The following SYTL5 variants were observed in gnomAD, a reference collection of about 807,000 sequenced individuals.
SYTL5 encodes the protein synaptotagmin-like protein 5.
In SYTL5, 34 loss-of-function variants were observed where a neutral mutation model predicts 55.9. The ratio of observed to expected loss-of-function variants is 0.61; its 90% CI spans 0.46 to 0.81. The LOEUF is 0.81. Among genes scored for constraint, SYTL5 ranks in the 30% least tolerant of loss-of-function variants. The probability of loss-of-function intolerance (pLI) is 0.00; values close to 1 mark genes in which losing one functional copy is unlikely to be tolerated. For missense variants in SYTL5, 637 were observed against 546.7 expected, an observed-to-expected ratio of 1.17 and a Z score of -1.65; for synonymous variants, 221 against 188.7, an observed-to-expected ratio of 1.17 and a Z score of -1.40.
the SYTL5 span, chrX:37,946,492 T>C: frequency 1.3e-5 from 3 of 239,365 alleles, no homozygotes; most frequent in East Asian, 1.4e-4. Flanking sequence ...GGATTTTTCA[T>C]TGGAATCATG....
At chrX:38,072,223 A>T in intron 4 of SYTL5, 61 bp downstream of exon 4, 1 of 888,981 alleles carries the variant, frequency 1.1e-6, no homozygotes, top group Non-Finnish European at 1.6e-6. Flanking sequence ...TAACTAAATA[A>T]CTTCTCTATG....
chrX:37,893,627 C>T, the SYTL5 span, among the ~76,000 whole-genome samples: 1 of 62,209 alleles, frequency 1.6e-5, no homozygotes, highest in African/African-American at 2.0e-4. Context: ...TATATATAAT[C>T]TATATATATA....
intron 13 of SYTL5, among the ~76,000 whole-genome samples, chrX:38,117,418 G>A (rs1157658002): frequency 8.9e-6 from 1 of 111,895 alleles, no homozygotes; most frequent in East Asian, 2.8e-4. Flanking sequence ...CTATATATTA[G>A]TATGTGATTC....
chrX:37,942,954 T>C, the SYTL5 span, among the ~76,000 whole-genome samples: 1 of 111,660 alleles, frequency 9.0e-6, no homozygotes, highest in East Asian at 2.8e-4. Context: ...TTAGTCTCTC[T>C]TACTCTGTTT....
the SYTL5 span, among the ~76,000 whole-genome samples, chrX:37,967,689 A>G: frequency 2.6e-3 from 284 of 110,554 alleles, 1 homozygote; most frequent in African/African-American, 8.9e-3. Flanking sequence ...CACATAATGC[A>G]TATGTTGGTT....
At chrX:38,040,337 C>G (rs1418403073) in intron 2 of SYTL5, among the ~76,000 whole-genome samples, 2 of 110,686 alleles carry the variant, frequency 1.8e-5, no homozygotes, top group East Asian at 5.6e-4. Context: ...ACAAATAATC[C>G]AAATAAATTC....
intron 1 of SYTL5, among the ~76,000 whole-genome samples, chrX:38,026,748 C>T (rs1309154545): frequency 6.3e-5 from 7 of 111,377 alleles, no homozygotes; most frequent in African/African-American, 2.3e-4. Context: ...CTCTTGTCAC[C>T]ATCTTGGTTT....
chrX:38,019,589 T>G (rs1242732437), intron 1 of SYTL5, among the ~76,000 whole-genome samples: 1 of 112,126 alleles, frequency 8.9e-6, no homozygotes, highest in Non-Finnish European at 1.9e-5. Context: ...TTCATGAATG[T>G]ATCCCCTAGA....
At chrX:37,915,227 C>G in the SYTL5 span, among the ~76,000 whole-genome samples, 1 of 111,702 alleles carries the variant, frequency 9.0e-6, no homozygotes, top group African/African-American at 3.3e-5. Flanking sequence ...GTTGACATGA[C>G]CTTTTTCTTT....
chrX:38,005,764 A>G (rs770101507), upstream of SYTL5, among the ~76,000 whole-genome samples: 11 of 111,640 alleles, frequency 9.9e-5, no homozygotes, highest in East Asian at 2.8e-4. Context: ...AGAAAGTAAT[A>G]ACTCTCTTGG....
chrX:37,949,610 G>C, the SYTL5 span, among the ~76,000 whole-genome samples: 1 of 111,434 alleles, frequency 9.0e-6, no homozygotes, highest in Non-Finnish European at 1.9e-5. Flanking sequence ...ATTGTGGTTA[G>C]AGGGTAGAAC....
the SYTL5 span, among the ~76,000 whole-genome samples, chrX:37,951,343 GA>G: frequency 2.7e-5 from 3 of 111,529 alleles, no homozygotes; most frequent in African/African-American, 9.8e-5. Context: ...ATTAGGAACA[GA>G]AAATATCAAA....
intron 1 of SYTL5, among the ~76,000 whole-genome samples, chrX:38,029,273 A>C (rs376936245): frequency 2.7e-5 from 3 of 112,164 alleles, no homozygotes; most frequent in Non-Finnish European, 5.6e-5. Flanking sequence ...AGCATATCCT[A>C]TCTAACTTCA....
intron 3 of SYTL5, among the ~76,000 whole-genome samples, chrX:38,060,492 G>C (rs775991386): frequency 7.2e-5 from 8 of 111,706 alleles, no homozygotes; most frequent in African/African-American, 2.3e-4. Flanking sequence ...TAGTTCTAGT[G>C]CCTAAAATAA....
intron 9 of SYTL5, 131 bp from the exon 10 acceptor site, chrX:38,102,211 G>C: frequency 6.6e-6 from 3 of 454,635 alleles, no homozygotes. Context: ...GAAAAACCTA[G>C]GAATGGAGTG....
At chrX:38,041,854 A>G (rs1444689502) in intron 2 of SYTL5, among the ~76,000 whole-genome samples, 4 of 112,077 alleles carry the variant, frequency 3.6e-5, no homozygotes, top group Admixed American at 1.9e-4. Flanking sequence ...GACACATAGT[A>G]GATGTACATA....
chrX:38,101,998 T>C (rs1602397644), intron 9 of SYTL5, among the ~76,000 whole-genome samples: 1 of 109,377 alleles, frequency 9.1e-6, no homozygotes, highest in African/African-American at 3.3e-5. Context: ...CACACACAAA[T>C]TTTTTTTAAT....
At chrX:38,054,176 G>C (rs754976703) in intron 2 of SYTL5, 37 bp from the exon 3 acceptor site, 1 of 1,056,480 alleles carries the variant, frequency 9.5e-7, no homozygotes, top group Non-Finnish European at 1.3e-6. Context: ...GCTCCTGTTT[G>C]TTTTTTTAAG....
At chrX:38,113,082 A>G (rs184110391) in intron 13 of SYTL5, among the ~76,000 whole-genome samples, 182 of 112,282 alleles carry the variant, frequency 1.6e-3, no homozygotes, top group Non-Finnish European at 2.9e-3. Context: ...GTTAGATCCT[A>G]CAGTGCTAAG....
Sources: gnomAD v4.1 joint callset for allele counts (sites outside exome capture counted in the v4.1 genomes callset) on GRCh38, gnomAD v4.1.1 for gene constraint, MANE v1.5 for transcripts, NCBI Gene and HGNC (gene_info 2026-07-23, HGNC 2026-07-21) for gene names.